Variants in APBB1IP observed in about 807,000 individuals in gnomAD.
APBB1IP encodes amyloid beta precursor protein binding family B member 1 interacting protein, also known as amyloid beta A4 precursor protein-binding family B member 1-interacting protein.
A neutral mutation model predicts 64.9 loss-of-function variants in APBB1IP; 27 were observed. The observed-to-expected ratio is 0.42, with a 90% CI of 0.31 to 0.57. APBB1IP has a LOEUF of 0.57. Among genes scored for constraint, APBB1IP ranks in the 20% least tolerant of loss-of-function variants. The pLI is 0.20. For missense variants in APBB1IP, 812 were observed against 845.5 expected, an observed-to-expected ratio of 0.96 and a Z score of 0.49; for synonymous variants, 392 against 331.0, an observed-to-expected ratio of 1.18 and a Z score of -2.00.
Position 26,503,207 on chromosome 10 carries a change from A to G in APBB1IP, c.464A>G (p.Glu155Gly). 6.2e-7 allele frequency: 1 copy of G among 1,614,144 alleles called. No individual in the cohort carries two copies. Among genetic ancestry groups the G allele is most frequent in the Non-Finnish European group, 8.5e-7 (1 of 1,179,976 alleles). Residue 155 changes from glutamate to glycine, a missense_variant, in exon 6 of 15, where the codon GAA (glutamate) becomes GGA (glycine). By Grantham distance (98) the Glu-to-Gly change is moderately conservative. Coordinates refer to ENST00000376236, the MANE Select transcript of APBB1IP (RefSeq NM_019043.4). ...CTTGCCCTTTTCCAGGAAGAGGAAG[A>G]AGCCCAAGCCAAGGCTGATAAAATT... Reference protein sequence around the residue: ...PPEPLSQEEEEAQAKADKIKL... With the variant: ...PPEPLSQEEEGAQAKADKIKL...
intron 8 of APBB1IP, among the ~76,000 whole-genome samples, chr10:26,532,615 G>A (rs759063327): frequency 1.3e-5 from 2 of 152,068 alleles, no homozygotes; most frequent in African/African-American, 4.8e-5. Flanking sequence ...TCAAGTAGAT[G>A]AGACTACAAG....
intron 14 of APBB1IP, among the ~76,000 whole-genome samples, chr10:26,566,689 G>T (rs1195966478): frequency 1.3e-5 from 2 of 152,130 alleles, no homozygotes; most frequent in Non-Finnish European, 2.9e-5. Context: ...CTCCCCAGGG[G>T]GCGGACAGAG....
intron 6 of APBB1IP, 135 bp from the exon 7 acceptor site, chr10:26,511,612 T>C: frequency 1.0e-6 from 1 of 997,756 alleles, no homozygotes; most frequent in Non-Finnish European, 1.5e-6. Flanking sequence ...GCATGCAAGT[T>C]AGTTTAGATG....
intron 6 of APBB1IP, among the ~76,000 whole-genome samples, chr10:26,504,095 A>G (rs1836139718): frequency 6.6e-6 from 1 of 152,218 alleles, no homozygotes; most frequent in African/African-American, 2.4e-5. Context: ...GTCAGAGCTC[A>G]GCTTCTGTCG....
intron 6 of APBB1IP, among the ~76,000 whole-genome samples, chr10:26,511,369 A>T (rs1349106438): frequency 6.6e-6 from 1 of 152,146 alleles, no homozygotes; most frequent in East Asian, 1.9e-4. Flanking sequence ...ATAAAGATAC[A>T]GACATAGCTT....
chr10:26,516,543 C>CAAAAAA (rs71401901), intron 8 of APBB1IP, among the ~76,000 whole-genome samples: 526 of 47,004 alleles, frequency 0.011, 38 homozygotes, highest in African/African-American at 0.027. Flanking sequence ...GACTCCATCT[C>CAAAAAA]AAAAAAAAAA....
chr10:26,541,310 T>G (rs1277464910), intron 10 of APBB1IP, among the ~76,000 whole-genome samples: 2 of 152,254 alleles, frequency 1.3e-5, no homozygotes, highest in Non-Finnish European at 2.9e-5. Flanking sequence ...ATCATTTCTT[T>G]GTGTTGGGAA....
chr10:26,464,316 T>C (rs1835625258), intron 2 of APBB1IP, among the ~76,000 whole-genome samples: 1 of 152,200 alleles, frequency 6.6e-6, no homozygotes, highest in Admixed American at 6.5e-5. Flanking sequence ...TTAAATGTAT[T>C]AATACCCACC....
rs537982275 is a variant in APBB1IP at position 26,554,613 on chromosome 10, C to T, written c.1156-5492C>T. On this transcript the variant is annotated intron_variant, in intron 11 of 14. Coordinates refer to ENST00000376236, the MANE Select transcript of APBB1IP (RefSeq NM_019043.4). Reference sequence around the variant, plus strand: ...TTTTTGTTTTCTTGAGACAGGGTCTCACTCTGTTGCTCAGGCTGAGTGTGG... The same window carrying T: ...TTTTTGTTTTCTTGAGACAGGGTCTTACTCTGTTGCTCAGGCTGAGTGTGG... Among the ~76,000 whole-genome samples, 10 of 152,236 alleles carry T rather than the reference C, an allele frequency of 6.6e-5. No individual in the cohort carries two copies. In the East Asian group the frequency reaches 1.9e-3, roughly 29 times the overall value.
At chr10:26,488,996 A>G (rs1317506866) in intron 2 of APBB1IP, among the ~76,000 whole-genome samples, 1 of 151,988 alleles carries the variant, frequency 6.6e-6, no homozygotes, top group African/African-American at 2.4e-5. Context: ...TGGAATCTAG[A>G]CCTCTCTTAA....
intron 8 of APBB1IP, among the ~76,000 whole-genome samples, chr10:26,517,371 T>A (rs1836345603): frequency 6.6e-6 from 1 of 152,264 alleles, no homozygotes; most frequent in African/African-American, 2.4e-5. Flanking sequence ...AAGGTCGTCA[T>A]GATTCTAGCC....
intron 10 of APBB1IP, among the ~76,000 whole-genome samples, chr10:26,541,194 CAAAT>C (rs1271824164): frequency 2.6e-5 from 4 of 152,098 alleles, no homozygotes; most frequent in Non-Finnish European, 4.4e-5. Flanking sequence ...TTTTGATTGA[CAAAT>C]AATAATTGTA....
Position 26,567,035 on chromosome 10 carries a change from GC to G in APBB1IP, c.1553del (p.Pro518ArgfsTer138). 2 of 1,537,350 alleles carry G rather than the reference GC, an allele frequency of 1.3e-6. No individual in the cohort carries two copies. The highest frequency in any genetic ancestry group is 2.0e-5 in the Admixed American group (1 of 49,492). The part of the protein sequence containing the change: ...RAPHAPKSSL[P>X]PPPPVRRSSD... ...CCCCGCACGCCCCCAAGTCCAGCCT[GC>G]CCCCGCCCCCTCCGGTGCGGAGGTC... On this transcript the variant is annotated frameshift_variant, in exon 15 of 15. Coordinates refer to ENST00000376236, the MANE Select transcript of APBB1IP (RefSeq NM_019043.4). LOFTEE classifies it low-confidence loss of function (END_TRUNC).
intron 11 of APBB1IP, among the ~76,000 whole-genome samples, chr10:26,551,707 AC>A (rs1836833196): frequency 6.6e-6 from 1 of 152,066 alleles, no homozygotes; most frequent in Non-Finnish European, 1.5e-5. Flanking sequence ...ATTTTTCTTT[AC>A]AGTATTTTTC....
At chr10:26,500,210 C>CAAAAAAAAAAAAAAAAAAAAA (rs199918930) in intron 4 of APBB1IP, among the ~76,000 whole-genome samples, 1 of 86,418 alleles carries the variant, frequency 1.2e-5, no homozygotes. Context: ...GACTCTGTCT[C>CAAAAAAAAAAAAAAAAAAAAA]AAAAAAAAAA....
chr10:26,560,345 G>T (rs889854662), intron 12 of APBB1IP, 142 bp downstream of exon 12: 2 of 732,396 alleles, frequency 2.7e-6, no homozygotes, highest in Non-Finnish European at 4.6e-6. Context: ...CGCCCAGTGG[G>T]TTTTCTAAAT....
chr10:26,556,706 T>A (rs1836898929), intron 11 of APBB1IP, among the ~76,000 whole-genome samples: 1 of 152,254 alleles, frequency 6.6e-6, no homozygotes, highest in African/African-American at 2.4e-5. Flanking sequence ...TAGTCTGCTC[T>A]GGAAACTTGG....
intron 11 of APBB1IP, among the ~76,000 whole-genome samples, chr10:26,548,051 T>C (rs1442949279): frequency 6.6e-6 from 1 of 152,240 alleles, no homozygotes; most frequent in Non-Finnish European, 1.5e-5. Flanking sequence ...AGATTTGTAG[T>C]ATATTTTGAA....
rs146488214 is a variant in APBB1IP at position 26,440,312 on chromosome 10, T to A, written c.-1+1459T>A. On this transcript the variant is annotated intron_variant, in intron 2 of 14. Coordinates refer to ENST00000376236, the MANE Select transcript of APBB1IP (RefSeq NM_019043.4). ...GTTCTTAAAATAGCAATTGAGGAGTTGCTATAATTCTTTGAATTGGTCCCA... is the reference window on the plus strand; with the variant it reads ...GTTCTTAAAATAGCAATTGAGGAGTAGCTATAATTCTTTGAATTGGTCCCA... Among the ~76,000 whole-genome samples, 411 of 152,302 alleles carry A rather than the reference T, an allele frequency of 2.7e-3. 4 individuals are homozygous for A. The highest frequency in any genetic ancestry group is 2.9e-3 in the Non-Finnish European group (200 of 68,020).
Sources: allele counts gnomAD v4.1 joint callset (sites outside exome capture counted in the v4.1 genomes callset), GRCh38; gene constraint gnomAD v4.1.1; transcripts MANE v1.5; gene names NCBI Gene and HGNC (gene_info 2026-07-23, HGNC 2026-07-21).